The following RIGI variants were observed in gnomAD, a reference collection of about 807,000 sequenced individuals.
The protein encoded by RIGI is antiviral innate immune response receptor RIG-I.
the RIGI span, among the ~76,000 whole-genome samples, chr9:32,505,991 C>T: frequency 2.6e-5 from 4 of 152,030 alleles, no homozygotes; most frequent in Non-Finnish European, 1.5e-5. Flanking sequence ...CCAAGGCAGG[C>T]GGATCACTTG....
chr9:32,456,978 A>G, the RIGI span: 4 of 642,876 alleles, frequency 6.2e-6, no homozygotes, highest in South Asian at 2.1e-5. Context: ...CTTTGCATAT[A>G]TAATATAGTA....
At chr9:32,481,441 T>G in the RIGI span, 2 of 1,611,452 alleles carry the variant, frequency 1.2e-6, no homozygotes, top group Non-Finnish European at 1.7e-6. Flanking sequence ...ACTGTAACAA[T>G]CCATTGTTCA....
At chr9:32,489,184 T>A in the RIGI span, among the ~76,000 whole-genome samples, 1 of 152,202 alleles carries the variant, frequency 6.6e-6, no homozygotes, top group Middle Eastern at 3.4e-3. Context: ...ATTAATTACA[T>A]AATCCCATAA....
At chr9:32,525,348 T>C in the RIGI span, among the ~76,000 whole-genome samples, 1 of 152,206 alleles carries the variant, frequency 6.6e-6, no homozygotes, top group South Asian at 2.1e-4. Flanking sequence ...GCTCTACAGC[T>C]GGGATTACAG....
the RIGI span, among the ~76,000 whole-genome samples, chr9:32,462,120 T>C: frequency 6.6e-6 from 1 of 152,212 alleles, no homozygotes; most frequent in African/African-American, 2.4e-5. Flanking sequence ...TGTGATCTAC[T>C]GGCACTGAAG....
At chr9:32,491,378 T>G in the RIGI span, 6 of 1,612,786 alleles carry the variant, frequency 3.7e-6, no homozygotes, top group Non-Finnish European at 5.1e-6. Context: ...GTCAGAAGTT[T>G]CCATCTTATC....
At chr9:32,461,713 T>C in the RIGI span, among the ~76,000 whole-genome samples, 2 of 152,122 alleles carry the variant, frequency 1.3e-5, no homozygotes, top group Non-Finnish European at 2.9e-5. Flanking sequence ...GTTAATGGGG[T>C]GGCTTGTAGT....
chr9:32,501,339 A>AT, the RIGI span, among the ~76,000 whole-genome samples: 1 of 148,472 alleles, frequency 6.7e-6, no homozygotes, highest in Non-Finnish European at 1.5e-5. Context: ...AAAAAAAAAA[A>AT]AAAAAAATTT....
chr9:32,505,004 A>G, the RIGI span, among the ~76,000 whole-genome samples: 3 of 131,502 alleles, frequency 2.3e-5, no homozygotes, highest in African/African-American at 8.1e-5. Context: ...TATATAATAT[A>G]TATGTTTAAA....
At chr9:32,489,559 A>C in the RIGI span, 24 of 549,854 alleles carry the variant, frequency 4.4e-5, no homozygotes, top group Middle Eastern at 2.7e-4. Flanking sequence ...GAAGATCCTC[A>C]TTGGAGAAAG....
At chr9:32,508,583 T>TC in the RIGI span, among the ~76,000 whole-genome samples, 1 of 151,972 alleles carries the variant, frequency 6.6e-6, no homozygotes, top group Non-Finnish European at 1.5e-5. Context: ...ACTATGCTTT[T>TC]CCCCCCAAGT....
At chr9:32,504,038 A>AACACACACACACACACACACACACAC in the RIGI span, among the ~76,000 whole-genome samples, 683 of 135,722 alleles carry the variant, frequency 5.0e-3, 8 homozygotes, top group South Asian at 0.011. Context: ...CAAGACTCCA[A>AACACACACACACACACACACACACAC]ACACACACAC....
chr9:32,478,489 A>G, the RIGI span, among the ~76,000 whole-genome samples: 87 of 152,340 alleles, frequency 5.7e-4, no homozygotes, highest in African/African-American at 1.9e-3. Flanking sequence ...TCATGTTGGT[A>G]GCCTGGAATT....
At chr9:32,516,799 A>G in the RIGI span, among the ~76,000 whole-genome samples, 1 of 152,214 alleles carries the variant, frequency 6.6e-6, no homozygotes, top group Non-Finnish European at 1.5e-5. Flanking sequence ...GGTACCAGAC[A>G]GTGGGATCGG....
chr9:32,470,520 T>C, the RIGI span, among the ~76,000 whole-genome samples: 4 of 152,214 alleles, frequency 2.6e-5, no homozygotes, highest in Admixed American at 2.0e-4. Flanking sequence ...TTTGATTTTT[T>C]TTCAAACAAA....
chr9:32,493,617 C>A, the RIGI span: 13 of 548,598 alleles, frequency 2.4e-5, no homozygotes, highest in Admixed American at 4.0e-5. Context: ...AGCGAGACTC[C>A]GTCTCAAAAA....
chr9:32,480,341 G>A, the RIGI span: 8 of 1,593,580 alleles, frequency 5.0e-6, no homozygotes, highest in East Asian at 2.2e-5. Flanking sequence ...GATAATGAGG[G>A]CATCATTATA....
chr9:32,514,483 C>T, the RIGI span, among the ~76,000 whole-genome samples: 2 of 152,110 alleles, frequency 1.3e-5, no homozygotes, highest in African/African-American at 2.4e-5. Context: ...GAACAGAAAA[C>T]CTAACACCGT....
chr9:32,497,277 G>A, the RIGI span, among the ~76,000 whole-genome samples: 1 of 151,966 alleles, frequency 6.6e-6, no homozygotes. Context: ...TTCTTCCTAA[G>A]TATTTTAATC....
Sources: gnomAD v4.1 joint callset for allele counts (sites outside exome capture counted in the v4.1 genomes callset) on GRCh38, gnomAD v4.1.1 for gene constraint, MANE v1.5 for transcripts, NCBI Gene and HGNC (gene_info 2026-07-23, HGNC 2026-07-21) for gene names.